Variants in TBL1XR1 observed in about 807,000 individuals in gnomAD.
TBL1XR1 encodes the protein TBL1X/Y related 1, also known as F-box-like/WD repeat-containing protein TBL1XR1.
A neutral mutation model predicts 66.9 loss-of-function variants in TBL1XR1; 5 were observed. The observed-to-expected ratio is 0.07, with a 90% CI of 0.04 to 0.16. TBL1XR1 has a LOEUF of 0.16. Among genes scored for constraint, TBL1XR1 ranks in the 10% least tolerant of loss-of-function variants. The pLI, the probability that TBL1XR1 is intolerant of heterozygous loss-of-function variation, is 1.00. For synonymous variants in TBL1XR1, 210 were observed against 206.0 expected, an observed-to-expected ratio of 1.02 and a Z score of -0.17; for missense variants, 238 against 623.2, an observed-to-expected ratio of 0.38 and a Z score of 6.58.
intron 2 of TBL1XR1, among the ~76,000 whole-genome samples, chr3:177,070,845 C>CAA (rs11425670): frequency 1.1e-3 from 164 of 144,926 alleles, no homozygotes; most frequent in African/African-American, 4.0e-3. Context: ...GACTCCGTCT[C>CAA]AAAAAAAAAA....
intron 1 of TBL1XR1, among the ~76,000 whole-genome samples, chr3:177,098,953 A>C (rs1723844774): frequency 6.6e-6 from 1 of 152,236 alleles, no homozygotes; most frequent in South Asian, 2.1e-4. Context: ...TGGTTTAGAA[A>C]CAATTTCAAT....
intron 2 of TBL1XR1, among the ~76,000 whole-genome samples, chr3:177,073,495 T>C (rs1488789311): frequency 6.6e-6 from 1 of 152,126 alleles, no homozygotes; most frequent in Non-Finnish European, 1.5e-5. Context: ...CTAAAACATA[T>C]TGGAGGAATG....
At chr3:177,195,373 T>C (rs1398148828) in intron 1 of TBL1XR1, among the ~76,000 whole-genome samples, 1 of 149,446 alleles carries the variant, frequency 6.7e-6, no homozygotes, top group Non-Finnish European at 1.5e-5. Flanking sequence ...TCAACTCCCA[T>C]GATACCACCC....
chr3:177,019,959 T>C lies in TBL1XR1; in HGVS notation c.*5539A>G, dbSNP rs1414412158. ...TGTTTAAGGAAATAAACAGGAAAAA[T>C]AGAAGACCTAGAGAGTGTAAATTCT... On this transcript the variant is annotated 3_prime_UTR_variant, in exon 16 of 16. Coordinates refer to ENST00000457928, the MANE Select transcript of TBL1XR1 (RefSeq NM_024665.7). The C allele has an allele frequency of 2.1e-5, 3 of 143,796 alleles. No individual in the cohort carries two copies. The highest frequency in any genetic ancestry group is 2.2e-4 in the South Asian group (1 of 4,558). The allele number at this position is 143,796 out of a possible 1,614,324, so 8.9% of individuals were successfully genotyped here. A position where few individuals can be genotyped will look rare whatever the true frequency, so the allele number is the denominator to read the frequency against.
chr3:177,180,572 A>C (rs1242226650), intron 1 of TBL1XR1, among the ~76,000 whole-genome samples: 1 of 152,124 alleles, frequency 6.6e-6, no homozygotes, highest in African/African-American at 2.4e-5. Flanking sequence ...TTTAAAACCG[A>C]AAATCCTATA....
chr3:177,196,857 G>A (rs1231273265), intron 1 of TBL1XR1, among the ~76,000 whole-genome samples: 2 of 151,852 alleles, frequency 1.3e-5, no homozygotes, highest in African/African-American at 4.8e-5. Context: ...CCCCGAGACC[G>A]GGAAAGGGTA....
chr3:177,082,691 A>G (rs17554082), intron 2 of TBL1XR1, among the ~76,000 whole-genome samples: 13,678 of 142,586 alleles, frequency 0.096, 798 homozygotes, highest in South Asian at 0.11. Context: ...TGGCTTTTTA[A>G]TCCAACAACT....
intron 3 of TBL1XR1, among the ~76,000 whole-genome samples, chr3:177,062,323 T>C (rs2108530782): frequency 6.6e-6 from 1 of 152,346 alleles, no homozygotes; most frequent in Non-Finnish European, 1.5e-5. Flanking sequence ...TCTTGTCAAG[T>C]TCTAATTGTC....
chr3:177,071,256 A>G (rs1719974119), intron 2 of TBL1XR1, among the ~76,000 whole-genome samples: 1 of 152,112 alleles, frequency 6.6e-6, no homozygotes, highest in African/African-American at 2.4e-5. Flanking sequence ...AGTGGAACAC[A>G]TGCTAAAGCT....
intron 1 of TBL1XR1, among the ~76,000 whole-genome samples, chr3:177,169,261 A>T (rs1733184701): frequency 6.6e-6 from 1 of 152,194 alleles, no homozygotes; most frequent in Non-Finnish European, 1.5e-5. Context: ...ACCTTTTGTA[A>T]TCATTAGCCT....
intron 2 of TBL1XR1, among the ~76,000 whole-genome samples, chr3:177,068,879 C>A (rs977049459): frequency 1.3e-5 from 2 of 152,196 alleles, no homozygotes; most frequent in Admixed American, 1.3e-4. Context: ...GATCTGGACA[C>A]TCTTTGCATG....
intron 2 of TBL1XR1, among the ~76,000 whole-genome samples, chr3:177,092,322 G>T (rs1280135621): frequency 6.6e-6 from 1 of 152,050 alleles, no homozygotes; most frequent in Non-Finnish European, 1.5e-5. Context: ...TAATTCATTA[G>T]ATGAAGCCTT....
chr3:177,079,013 C>T (rs1000950775), intron 2 of TBL1XR1, among the ~76,000 whole-genome samples: 1 of 152,106 alleles, frequency 6.6e-6, no homozygotes, highest in Non-Finnish European at 1.5e-5. Flanking sequence ...AGTACCGATA[C>T]AGAAAACAAT....
At chr3:177,135,375 ATATATATG>A (rs1226996986) in intron 1 of TBL1XR1, among the ~76,000 whole-genome samples, 833 of 31,312 alleles carry the variant, frequency 0.027, 39 homozygotes, top group African/African-American at 0.036. Context: ...ATATATATAT[ATATATATG>A]TATGTATTTT....
At position 177,021,671 on chromosome 3, in the gene TBL1XR1, A is replaced by G. The variant is rs1464452660; in HGVS notation, c.*3827T>C. The stretch of plus-strand genomic sequence containing the variant: ...TGATTCAGGAGAAGGGGGAAAAAAC[A>G]AAGAAAACAAAACGAAAAACCAACC... On this transcript the variant is annotated 3_prime_UTR_variant, in exon 16 of 16. Coordinates refer to ENST00000457928, the MANE Select transcript of TBL1XR1 (RefSeq NM_024665.7). 1 of 152,570 alleles carries G rather than the reference A, an allele frequency of 6.6e-6. No homozygotes were observed. The highest frequency in any genetic ancestry group is 2.4e-5 in the African/African-American group (1 of 41,450). 9.5% of individuals were successfully genotyped at this position (152,570 alleles called of 1,614,324 possible).
intron 3 of TBL1XR1, among the ~76,000 whole-genome samples, chr3:177,062,907 G>A (rs1192480287): frequency 6.6e-6 from 1 of 152,080 alleles, no homozygotes; most frequent in Non-Finnish European, 1.5e-5. Flanking sequence ...AGCCAAGGCG[G>A]GCGGATCACC....
intron 1 of TBL1XR1, among the ~76,000 whole-genome samples, chr3:177,109,940 T>G: frequency 6.6e-6 from 1 of 152,208 alleles, no homozygotes; most frequent in South Asian, 2.1e-4. Flanking sequence ...GCCTTATATC[T>G]TGGTGTTGTC....
rs1712725464 is a variant in TBL1XR1, at chr3:177,023,932, T to G, written c.*1566A>C. The G allele has an allele frequency of 6.6e-6, 1 of 152,120 alleles. No homozygotes were observed. Among genetic ancestry groups the G allele is most frequent in the Non-Finnish European group, 1.5e-5 (1 of 67,946 alleles). The allele number at this position is 152,120 out of a possible 1,614,324, so 9.4% of individuals were successfully genotyped here. On this transcript the variant is annotated 3_prime_UTR_variant, in exon 16 of 16. Coordinates refer to ENST00000457928, the MANE Select transcript of TBL1XR1 (RefSeq NM_024665.7). ...CTTCAGAAATGACATACCTGGATTA[T>G]GTTAATCATGACAAGCCTTATTAGT...
chr3:177,100,236 TCAAA>T (rs1724025969), intron 1 of TBL1XR1, among the ~76,000 whole-genome samples: 2 of 152,186 alleles, frequency 1.3e-5, no homozygotes, highest in African/African-American at 2.4e-5. Flanking sequence ...AGACTCTGTC[TCAAA>T]CAAACAAGAA....
Sources: allele counts gnomAD v4.1 joint callset (sites outside exome capture counted in the v4.1 genomes callset), GRCh38; gene constraint gnomAD v4.1.1; transcripts MANE v1.5; gene names NCBI Gene and HGNC (gene_info 2026-07-23, HGNC 2026-07-21).